GABRR2: variants seen among roughly 807,000 people sequenced by gnomAD.
GABRR2 encodes the protein gamma-aminobutyric acid type A receptor subunit rho2, also known as gamma-aminobutyric acid receptor subunit rho-2.
GABRR2 carries 36 observed loss-of-function variants against 47.0 expected under a neutral mutation model. That is an observed-to-expected ratio of 0.77 (90% confidence interval 0.59 to 1.01). The LOEUF is 1.01. Among genes scored for constraint, GABRR2 ranks in the 50% least tolerant of loss-of-function variants. The pLI is 0.00. For missense variants in GABRR2, 587 were observed against 594.6 expected, an observed-to-expected ratio of 0.99 and a Z score of 0.13; for synonymous variants, 204 against 227.5, an observed-to-expected ratio of 0.90 and a Z score of 0.93.
intron 1 of GABRR2, chr6:89,302,902 AT>A: frequency 8.4e-7 from 1 of 1,184,878 alleles, no homozygotes; most frequent in Non-Finnish European, 1.2e-6. Flanking sequence ...CTGTTCAAGC[AT>A]CTCAGAGCAG....
chr6:89,267,611 A>G, intron 6 of GABRR2, 68 bp downstream of exon 6: 2 of 1,439,382 alleles, frequency 1.4e-6, no homozygotes, highest in African/African-American at 1.4e-5. Context: ...TCCTGGGGTT[A>G]AGGCTGAAGA....
Position 89,268,701 on chromosome 6 carries a change from T to C in GABRR2, c.512+310A>G, listed in dbSNP as rs185669462. On this transcript the variant is annotated intron_variant, in intron 4 of 8. Coordinates refer to ENST00000402938, the MANE Select transcript of GABRR2 (RefSeq NM_002043.5). ...AATCTATTTTTTTAAAAGCTTTTTT[T>C]TTAATCTTTATTATCAATCAACTAG... 1.8e-4 allele frequency among the ~76,000 whole-genome samples: 28 copies of C among 152,200 alleles called. No individual in the cohort carries two copies. The Middle Eastern group carries it at 0.01, about 55-fold the overall frequency.
Position 89,299,819 on chromosome 6 carries a change from T to C in GABRR2, c.160A>G (p.Lys54Glu), listed in dbSNP as rs757000137. ...TCCACTCTGAGAAGCTGCTGAGGCT[T>C]TCCCTTCCGGATCTTGGTCACATCA... The part of the protein sequence containing the change: ...NLDVTKIRKG[K>E]PQQLLRVDEH... Residue 54 changes from lysine (K) to glutamate (E), a missense_variant, in exon 2 of 9, where the codon AAG (lysine) becomes GAG (glutamate). Physicochemically the swap from Lys to Glu is moderately conservative, Grantham distance 56 (BLOSUM62 1). Coordinates refer to ENST00000402938, the MANE Select transcript of GABRR2 (RefSeq NM_002043.5). The C allele has an allele frequency of 6.2e-7, 1 of 1,613,974 alleles. No individual in the cohort carries two copies. Among genetic ancestry groups the C allele is most frequent in the Non-Finnish European group, 8.5e-7 (1 of 1,179,846 alleles).
chr6:89,264,262 C>A (rs1773823628), intron 8 of GABRR2, 150 bp downstream of exon 8: 6 of 957,620 alleles, frequency 6.3e-6, no homozygotes, highest in Non-Finnish European at 9.1e-6. Flanking sequence ...GGGGTAGAAG[C>A]CAGAACCTAT....
At chr6:89,271,934 C>T (rs572646003) in intron 2 of GABRR2, among the ~76,000 whole-genome samples, 1 of 152,316 alleles carries the variant, frequency 6.6e-6, no homozygotes, top group African/African-American at 2.4e-5. Context: ...ATGTGCCATC[C>T]CTGGGCCAGG....
chr6:89,304,688 C>G (rs1330293679), intron 1 of GABRR2, among the ~76,000 whole-genome samples: 4 of 151,100 alleles, frequency 2.6e-5, no homozygotes, highest in Non-Finnish European at 5.9e-5. Context: ...ATATGAAAAA[C>G]AGTTCAATAA....
At chr6:89,292,116 GA>G (rs1167688067) in intron 2 of GABRR2, among the ~76,000 whole-genome samples, 1 of 151,900 alleles carries the variant, frequency 6.6e-6, no homozygotes, top group Non-Finnish European at 1.5e-5. Flanking sequence ...TGTGTCTTAT[GA>G]AAAAAATCAT....
intron 2 of GABRR2, among the ~76,000 whole-genome samples, chr6:89,284,561 A>G (rs1419737023): frequency 2.4e-4 from 37 of 152,334 alleles, no homozygotes; most frequent in Non-Finnish European, 1.5e-5. Context: ...GCCATGTTTA[A>G]GCAACTTAGC....
chr6:89,300,209 A>T (rs780558125), intron 1 of GABRR2, among the ~76,000 whole-genome samples: 1 of 152,162 alleles, frequency 6.6e-6, no homozygotes, highest in Admixed American at 6.5e-5. Context: ...AAATAAACAC[A>T]ATTAGAAATG....
chr6:89,285,363 T>A (rs1774315391), intron 2 of GABRR2, among the ~76,000 whole-genome samples: 1 of 152,254 alleles, frequency 6.6e-6, no homozygotes. Context: ...TGGCAATGAC[T>A]CTTTTTCCCT....
intron 1 of GABRR2, among the ~76,000 whole-genome samples, chr6:89,309,061 G>C (rs1767630060): frequency 6.6e-6 from 1 of 152,192 alleles, no homozygotes; most frequent in South Asian, 2.1e-4. Flanking sequence ...TGGAGGGAGG[G>C]AGGGAGTCAT....
intron 1 of GABRR2, chr6:89,301,742 C>A (rs944837885): frequency 3.0e-6 from 2 of 669,394 alleles, no homozygotes; most frequent in African/African-American, 1.8e-5. Flanking sequence ...GCCAGCCCAG[C>A]CCGCCTGCCC....
At chr6:89,302,833 C>T (rs1582463901) in intron 1 of GABRR2, 1 of 1,384,294 alleles carries the variant, frequency 7.2e-7, no homozygotes, top group Admixed American at 1.8e-5. Flanking sequence ...TGTGACATCC[C>T]ACCCCCCAGC....
At chr6:89,313,379 G>A (rs73503998) in intron 1 of GABRR2, among the ~76,000 whole-genome samples, 18,902 of 152,170 alleles carry the variant, frequency 0.12, 2,252 homozygotes, top group African/African-American at 0.31. Flanking sequence ...AGAGACATCT[G>A]TTGAAAATGG....
At chr6:89,298,398 A>G (rs140742279) in intron 2 of GABRR2, among the ~76,000 whole-genome samples, 5 of 152,310 alleles carry the variant, frequency 3.3e-5, no homozygotes, top group African/African-American at 9.6e-5. Context: ...ATCTTGTTTA[A>G]TCTGGACAAC....
rs146287342 is a variant in GABRR2 at position 89,265,734 on chromosome 6, C to T, written c.768G>A (p.Thr256=). ...AGAAGAAGAAGATGTGGCGACGCAA[C>T]GTGAAGTTAATGTACAGACGGTTGT... ...GWYNRLYINF[T]LRRHIFFFLL... Residue 256 remains threonine (T), a synonymous_variant, in exon 7 of 9, where the codon ACG becomes ACA. Transcript: ENST00000402938. 1.7e-5 allele frequency: 28 copies of T among 1,613,906 alleles called. No homozygotes were observed. Among genetic ancestry groups the T allele is most frequent in the African/African-American group, 5.3e-5 (4 of 74,852 alleles).
chr6:89,292,761 AC>A lies in GABRR2; in HGVS notation c.220+6997del, dbSNP rs1468575674. On this transcript the variant is annotated intron_variant, in intron 2 of 8. Transcript: ENST00000402938. ...ATATATAATCGTATATATCGTATAT[AC>A]GATATATCGTATATATCGTATATAC... Among the ~76,000 whole-genome samples the A allele has an allele frequency of 0.035, 1,874 of 53,094 alleles. 427 individuals are homozygous for A. In the East Asian group the frequency reaches 0.39, roughly 11 times the overall value. The allele number at this position is 53,094 out of a possible 152,430, so 34.8% of individuals were successfully genotyped here.
rs115460056 is a variant in GABRR2, at chr6:89,299,995, G to A, written c.114-130C>T. 402 of 637,868 alleles carry A rather than the reference G, an allele frequency of 6.3e-4. 3 individuals are homozygous for A. In the African/African-American group the frequency reaches 6.4e-3, roughly 10 times the overall value. 39.5% of individuals were successfully genotyped at this position (637,868 alleles called of 1,614,324 possible). ...CTCCATTCTACTTCTTGGCCCAGGGGAGAAGGAGGGCTGAAGGACCCTCCA... is the reference window on the plus strand; with the variant it reads ...CTCCATTCTACTTCTTGGCCCAGGGAAGAAGGAGGGCTGAAGGACCCTCCA... On this transcript the variant is annotated intron_variant, in intron 1 of 8. Coordinates refer to ENST00000402938, the MANE Select transcript of GABRR2 (RefSeq NM_002043.5).
rs546089701 is a variant in GABRR2, at chr6:89,284,667, T to G, written c.221-12945A>C. ...CCAGGAAGTGCAAGAGAATGGATGC[T>G]GCCTAGAACCTCCAGAAAGGAACAT... On this transcript the variant is annotated intron_variant, in intron 2 of 8. Coordinates refer to ENST00000402938, the MANE Select transcript of GABRR2 (RefSeq NM_002043.5). 5.3e-5 allele frequency among the ~76,000 whole-genome samples: 8 copies of G among 152,326 alleles called. No individual in the cohort carries two copies. In the East Asian group the frequency reaches 1.5e-3, roughly 29 times the overall value.
Sources: allele counts gnomAD v4.1 joint callset (sites outside exome capture counted in the v4.1 genomes callset), GRCh38; gene constraint gnomAD v4.1.1; transcripts MANE v1.5; gene names NCBI Gene and HGNC (gene_info 2026-07-23, HGNC 2026-07-21).